THSD4: variants seen among roughly 807,000 people sequenced by gnomAD.
THSD4 encodes thrombospondin type 1 domain containing 4.
A neutral mutation model predicts 119.0 loss-of-function variants in THSD4; 69 were observed. The observed-to-expected ratio is 0.58, with a 90% CI of 0.48 to 0.71. The LOEUF (loss-of-function observed/expected upper bound fraction) is 0.71. THSD4 is among the 30% of genes least tolerant of loss of function. The pLI, the probability that THSD4 is intolerant of heterozygous loss-of-function variation, is 0.00. For missense variants in THSD4, 1,393 were observed against 1,391.1 expected, an observed-to-expected ratio of 1.00 and a Z score of -0.02; for synonymous variants, 524 against 540.4, an observed-to-expected ratio of 0.97 and a Z score of 0.42.
At chr15:71,588,637 T>G (rs2049737772) in intron 7 of THSD4, among the ~76,000 whole-genome samples, 1 of 152,120 alleles carries the variant, frequency 6.6e-6, no homozygotes, top group African/African-American at 2.4e-5. Flanking sequence ...TTTCACCACG[T>G]TACCCAGGCT....
At chr15:71,608,386 T>A (rs1595782720) in intron 7 of THSD4, among the ~76,000 whole-genome samples, 4 of 152,102 alleles carry the variant, frequency 2.6e-5, no homozygotes, top group Admixed American at 2.6e-4. Flanking sequence ...TTCTCTACCA[T>A]CCTTTCATTA....
chr15:71,452,061 A>G (rs918442912), intron 7 of THSD4, among the ~76,000 whole-genome samples: 3 of 152,144 alleles, frequency 2.0e-5, no homozygotes. Flanking sequence ...CATGGTCTTC[A>G]TGAGTGCTGC....
intron 6 of THSD4, among the ~76,000 whole-genome samples, chr15:71,331,399 T>G (rs1008870367): frequency 3.9e-5 from 6 of 152,204 alleles, no homozygotes; most frequent in African/African-American, 1.2e-4. Flanking sequence ...AAGTTCTCAT[T>G]TGGGGAGACT....
intron 6 of THSD4, among the ~76,000 whole-genome samples, chr15:71,292,531 G>GAA (rs1382719249): frequency 3.3e-5 from 5 of 151,854 alleles, no homozygotes; most frequent in Admixed American, 6.6e-5. Context: ...TAAATTCTCT[G>GAA]TTGAATTCTT....
chr15:71,118,736 T>A (rs1468811267), intron 1 of THSD4, among the ~76,000 whole-genome samples: 1 of 152,242 alleles, frequency 6.6e-6, no homozygotes, highest in Non-Finnish European at 1.5e-5. Flanking sequence ...TCATGTGTAT[T>A]TGTTGAATAT....
At position 71,779,857 on chromosome 15, in the gene THSD4, T is replaced by TTC. The variant is rs2053971716; in HGVS notation, c.*2483_*2484insTC. The TTC allele has an allele frequency of 6.6e-6, 1 of 151,698 alleles. No homozygotes were observed. Among genetic ancestry groups the TTC allele is most frequent in the African/African-American group, 2.4e-5 (1 of 41,378 alleles). The allele number at this position is 151,698 out of a possible 1,614,324, so 9.4% of individuals were successfully genotyped here. ...TAAACCAGGGGTCTCTTTTTTTTTTTCAACAAACCATTGAGCTGTTCTTGG... is the reference window on the plus strand; with the variant it reads ...TAAACCAGGGGTCTCTTTTTTTTTTTTCCAACAAACCATTGAGCTGTTCTTGG... On this transcript the variant is annotated 3_prime_UTR_variant, in exon 18 of 18. Transcript: ENST00000261862.
intron 8 of THSD4, among the ~76,000 whole-genome samples, chr15:71,717,137 T>G (rs2052626071): frequency 6.6e-6 from 1 of 152,216 alleles, no homozygotes; most frequent in South Asian, 2.1e-4. Context: ...AAATGGGCCT[T>G]CTTGGCTTCT....
At chr15:71,380,085 A>G (rs1358749859) in intron 6 of THSD4, among the ~76,000 whole-genome samples, 2 of 152,154 alleles carry the variant, frequency 1.3e-5, no homozygotes, top group South Asian at 2.1e-4. Context: ...AGACTCAGCT[A>G]CTTATTACAA....
At chr15:71,116,135 A>G (rs1488670252) in intron 1 of THSD4, among the ~76,000 whole-genome samples, 6 of 152,026 alleles carry the variant, frequency 3.9e-5, no homozygotes, top group Admixed American at 2.0e-4. Context: ...CTGGGGCCCG[A>G]GAGCCGGGCA....
At chr15:71,554,639 T>C (rs992103537) in intron 7 of THSD4, among the ~76,000 whole-genome samples, 11 of 151,912 alleles carry the variant, frequency 7.2e-5, no homozygotes, top group Admixed American at 1.3e-4. Flanking sequence ...CAAGTGATCC[T>C]CCCACCTCAG....
At chr15:71,456,226 G>A (rs1051874091) in intron 7 of THSD4, among the ~76,000 whole-genome samples, 3 of 152,290 alleles carry the variant, frequency 2.0e-5, no homozygotes, top group African/African-American at 7.2e-5. Context: ...AGCACACCAT[G>A]TTTATTTATA....
chr15:71,311,778 C>G (rs527322136), intron 6 of THSD4, among the ~76,000 whole-genome samples: 2 of 152,278 alleles, frequency 1.3e-5, no homozygotes, highest in Admixed American at 1.3e-4. Flanking sequence ...TGAAGAGCGG[C>G]CTTTCTCTCG....
At chr15:71,586,012 G>A (rs1054266007) in intron 7 of THSD4, among the ~76,000 whole-genome samples, 5 of 151,900 alleles carry the variant, frequency 3.3e-5, no homozygotes, top group African/African-American at 1.2e-4. Context: ...TAATTCTTTT[G>A]TAGCTCATTA....
rs138134388 is a variant in THSD4 at position 71,475,782 on chromosome 15, C to T, written c.1152+63959C>T. Among the ~76,000 whole-genome samples, 521 of 152,244 alleles carry T rather than the reference C, an allele frequency of 3.4e-3. 2 individuals carry two copies. Among genetic ancestry groups the T allele is most frequent in the Non-Finnish European group, 4.6e-3 (313 of 68,020 alleles). ...TACAAAATCGTTTTTTAAAAATTAG[C>T]TGGGCATAGTGGTGTGCACCTCTAG... On this transcript the variant is annotated intron_variant, in intron 7 of 17. Transcript: ENST00000261862.
chr15:71,307,275 T>C (rs948141440), intron 6 of THSD4, among the ~76,000 whole-genome samples: 1 of 152,208 alleles, frequency 6.6e-6, no homozygotes, highest in African/African-American at 2.4e-5. Context: ...GCCATAGTTA[T>C]GGCGGTGGCT....
chr15:71,711,152 C>T (rs1375659341), intron 8 of THSD4, among the ~76,000 whole-genome samples: 1 of 149,404 alleles, frequency 6.7e-6, no homozygotes, highest in African/African-American at 2.5e-5. Flanking sequence ...ATACACATGG[C>T]AAATATAACA....
At chr15:71,298,675 C>T (rs1032932891) in intron 6 of THSD4, among the ~76,000 whole-genome samples, 3 of 140,862 alleles carry the variant, frequency 2.1e-5, no homozygotes, top group African/African-American at 8.0e-5. Context: ...TGCAGTGGTG[C>T]GATCTCGGCT....
intron 3 of THSD4, among the ~76,000 whole-genome samples, chr15:71,202,002 T>C (rs972942921): frequency 1.4e-4 from 22 of 152,136 alleles, no homozygotes; most frequent in African/African-American, 5.3e-4. Flanking sequence ...GAGGGGCCCC[T>C]TTTTCTCATG....
chr15:71,608,079 G>T (rs567892763), intron 7 of THSD4, among the ~76,000 whole-genome samples: 1 of 151,782 alleles, frequency 6.6e-6, no homozygotes, highest in African/African-American at 2.4e-5. Context: ...AAAAATTAGC[G>T]GGGCGTGGTG....
Sources: allele counts gnomAD v4.1 joint callset (sites outside exome capture counted in the v4.1 genomes callset), GRCh38; gene constraint gnomAD v4.1.1; transcripts MANE v1.5; gene names NCBI Gene and HGNC (gene_info 2026-07-23, HGNC 2026-07-21).